Variants in SCHIP1 observed in about 807,000 individuals in gnomAD.
The protein encoded by SCHIP1 is schwannomin interacting protein 1.
A neutral mutation model predicts 29.7 loss-of-function variants in SCHIP1; 8 were observed. The ratio of observed to expected loss-of-function variants is 0.27; its 90% CI spans 0.16 to 0.49. SCHIP1 has a LOEUF of 0.49. Among genes scored for constraint, SCHIP1 ranks in the 20% least tolerant of loss-of-function variants. The pLI, the probability that SCHIP1 is intolerant of heterozygous loss-of-function variation, is 0.99. For synonymous variants in SCHIP1, 76 were observed against 94.9 expected (o/e 0.80, Z 1.16); for missense variants, 193 against 294.6 (o/e 0.66, Z 2.52).
At chr3:159,660,399 G>A in the SCHIP1 span, among the ~76,000 whole-genome samples, 38 of 152,194 alleles carry the variant, frequency 2.5e-4, no homozygotes, top group Admixed American at 9.8e-4. Flanking sequence ...AAATGAAAGC[G>A]GAGTTTATTT....
the SCHIP1 span, among the ~76,000 whole-genome samples, chr3:159,299,868 C>G: frequency 6.6e-6 from 1 of 152,156 alleles, no homozygotes; most frequent in Non-Finnish European, 1.5e-5. Flanking sequence ...CAAACATACA[C>G]TTAAGCATTC....
At position 159,896,784 on chromosome 3, in the gene SCHIP1, A is replaced by ATACTTG. The variant is rs760423265; in HGVS notation, c.*11_*12insACTTGT. The stretch of plus-strand genomic sequence containing the variant: ...AATGCCTGCAAAGTGAAAAGAAGCC[A>ATACTTG]TTCAACCAGAGAACAAGCTAGAATT... On this transcript the variant is annotated 3_prime_UTR_variant, in exon 7 of 7. Coordinates refer to ENST00000445224, the Ensembl canonical transcript of SCHIP1. 32 of 1,604,812 alleles carry ATACTTG rather than the reference A, an allele frequency of 2.0e-5. No homozygotes were observed. In the Admixed American group the frequency reaches 5.2e-4, roughly 26 times the overall value.
chr3:159,734,484 A>G, the SCHIP1 span, among the ~76,000 whole-genome samples: 1 of 152,004 alleles, frequency 6.6e-6, no homozygotes, highest in South Asian at 2.1e-4. Context: ...TTTCCAACGA[A>G]AAAAAAGATG....
chr3:159,540,448 T>C, the SCHIP1 span, among the ~76,000 whole-genome samples: 1 of 152,090 alleles, frequency 6.6e-6, no homozygotes, highest in East Asian at 1.9e-4. Context: ...TCAACATATT[T>C]ACAGTATTTT....
chr3:159,525,798 G>C, the SCHIP1 span, among the ~76,000 whole-genome samples: 1 of 152,234 alleles, frequency 6.6e-6, no homozygotes, highest in Non-Finnish European at 1.5e-5. Flanking sequence ...GGGGGAGGCA[G>C]AACAATTGGA....
the SCHIP1 span, among the ~76,000 whole-genome samples, chr3:159,820,557 G>T: frequency 6.6e-6 from 1 of 152,156 alleles, no homozygotes; most frequent in East Asian, 1.9e-4. Flanking sequence ...GAAATGAAAT[G>T]AATTTTAGTT....
chr3:159,884,955 G>T (rs938392011), intron 2 of SCHIP1, among the ~76,000 whole-genome samples: 2 of 152,198 alleles, frequency 1.3e-5, no homozygotes, highest in African/African-American at 4.8e-5. Flanking sequence ...GGGGTTGTAA[G>T]CTGGGATTTT....
the SCHIP1 span, among the ~76,000 whole-genome samples, chr3:159,811,968 G>T: frequency 0.4 from 42,675 of 106,738 alleles, 6,664 homozygotes; most frequent in East Asian, 0.61. Context: ...AGTTTTTTTT[G>T]TTTTTGTTTT....
chr3:159,381,703 C>T, the SCHIP1 span, among the ~76,000 whole-genome samples: 1 of 152,056 alleles, frequency 6.6e-6, no homozygotes, highest in East Asian at 1.9e-4. Flanking sequence ...TCGAGAGATT[C>T]TTGTGCCCCA....
At chr3:159,790,550 G>A in the SCHIP1 span, among the ~76,000 whole-genome samples, 1 of 152,172 alleles carries the variant, frequency 6.6e-6, no homozygotes, top group Non-Finnish European at 1.5e-5. Context: ...GCTGGCCATG[G>A]TGGTATGTAC....
At chr3:159,352,661 A>G in the SCHIP1 span, among the ~76,000 whole-genome samples, 1 of 151,834 alleles carries the variant, frequency 6.6e-6, no homozygotes, top group South Asian at 2.1e-4. Context: ...CTCTCATGCT[A>G]CTCTTTGTAG....
chr3:159,427,873 C>G, the SCHIP1 span, among the ~76,000 whole-genome samples: 1 of 151,802 alleles, frequency 6.6e-6, no homozygotes, highest in Non-Finnish European at 1.5e-5. Context: ...CAGAACAGAG[C>G]CCTCAGAAAT....
At chr3:159,300,253 G>A in the SCHIP1 span, among the ~76,000 whole-genome samples, 295 of 149,616 alleles carry the variant, frequency 2.0e-3, 1 homozygote, top group African/African-American at 7.0e-3. Flanking sequence ...AGTCTACCAA[G>A]TTGATGGGAC....
the SCHIP1 span, among the ~76,000 whole-genome samples, chr3:159,636,750 C>T: frequency 6.6e-6 from 1 of 152,178 alleles, no homozygotes; most frequent in Non-Finnish European, 1.5e-5. Context: ...ACGTTTAAAG[C>T]ATGCATTGCA....
chr3:159,551,819 C>T, the SCHIP1 span, among the ~76,000 whole-genome samples: 1 of 151,940 alleles, frequency 6.6e-6, no homozygotes, highest in Non-Finnish European at 1.5e-5. Context: ...TATGTTGGAA[C>T]ATGAAACCAC....
At chr3:159,364,336 G>C in the SCHIP1 span, among the ~76,000 whole-genome samples, 1 of 152,126 alleles carries the variant, frequency 6.6e-6, no homozygotes, top group Non-Finnish European at 1.5e-5. Context: ...AGGTTATTAG[G>C]AAGGACTTTG....
chr3:159,353,449 A>C, the SCHIP1 span, among the ~76,000 whole-genome samples: 4 of 152,190 alleles, frequency 2.6e-5, no homozygotes, highest in African/African-American at 9.6e-5. Context: ...ACTTGTACTT[A>C]GTTCTTACTG....
At chr3:159,571,928 T>C in the SCHIP1 span, among the ~76,000 whole-genome samples, 3 of 152,252 alleles carry the variant, frequency 2.0e-5, no homozygotes, top group Non-Finnish European at 4.4e-5. Context: ...GTGTTTCTGG[T>C]ATTCTCTGAT....
chr3:159,606,329 A>G, the SCHIP1 span, among the ~76,000 whole-genome samples: 3 of 152,200 alleles, frequency 2.0e-5, no homozygotes, highest in Non-Finnish European at 4.4e-5. Flanking sequence ...ATAAAAAAAA[A>G]TACAGTACCA....
Sources: gnomAD v4.1 joint callset for allele counts (sites outside exome capture counted in the v4.1 genomes callset) on GRCh38, gnomAD v4.1.1 for gene constraint, MANE v1.5 for transcripts, NCBI Gene and HGNC (gene_info 2026-07-23, HGNC 2026-07-21) for gene names.